Variants in ARB2A observed in about 807,000 individuals in gnomAD.
The protein encoded by ARB2A is ARB2 cotranscriptional regulator A, also known as cotranscriptional regulator ARB2A.
chr5:93,963,411 T>C, the ARB2A span, among the ~76,000 whole-genome samples: 1 of 151,966 alleles, frequency 6.6e-6, no homozygotes, highest in Admixed American at 6.6e-5. Flanking sequence ...CCAGTGTCCA[T>C]CACCTAAAAA....
chr5:93,652,746 T>A, the ARB2A span, among the ~76,000 whole-genome samples: 6 of 152,346 alleles, frequency 3.9e-5, no homozygotes, highest in African/African-American at 1.2e-4. Flanking sequence ...ATGTACACTA[T>A]GACACACAGA....
At chr5:94,065,825 GCAGAATATTAACAAAGAAACAGA>G in the ARB2A span, among the ~76,000 whole-genome samples, 1 of 152,090 alleles carries the variant, frequency 6.6e-6, no homozygotes, top group African/African-American at 2.4e-5. Flanking sequence ...GATCATCTAG[GCAGAATATTAACAAAGAAACAGA>G]TTTAAACTAC....
the ARB2A span, among the ~76,000 whole-genome samples, chr5:93,661,355 A>G: frequency 6.6e-6 from 1 of 152,172 alleles, no homozygotes; most frequent in South Asian, 2.1e-4. Context: ...AAGGTAGATT[A>G]TATATGAGAA....
the ARB2A span, among the ~76,000 whole-genome samples, chr5:93,810,247 T>C: frequency 2.0e-5 from 3 of 151,360 alleles, no homozygotes; most frequent in African/African-American, 4.9e-5. Context: ...CATGGGTAAA[T>C]TGACTGGTTC....
chr5:93,982,114 T>C, the ARB2A span, among the ~76,000 whole-genome samples: 1 of 152,032 alleles, frequency 6.6e-6, no homozygotes, highest in Admixed American at 6.6e-5. Context: ...AAAAAAGTAA[T>C]CTTCCCTTCA....
the ARB2A span, among the ~76,000 whole-genome samples, chr5:94,053,980 G>A: frequency 2.6e-5 from 4 of 152,168 alleles, no homozygotes; most frequent in African/African-American, 9.6e-5. Flanking sequence ...TGTTGCCCAG[G>A]CTGGTCTCAA....
the ARB2A span, among the ~76,000 whole-genome samples, chr5:93,942,107 T>C: frequency 6.6e-6 from 1 of 152,146 alleles, no homozygotes; most frequent in East Asian, 1.9e-4. Context: ...CAGAAGGTAA[T>C]GATATATCTG....
chr5:94,050,637 T>C, the ARB2A span: 1 of 884,126 alleles, frequency 1.1e-6, no homozygotes, highest in South Asian at 2.0e-5. Context: ...TCACATTTTG[T>C]AGAAAGAGTG....
chr5:94,099,538 C>T, the ARB2A span, among the ~76,000 whole-genome samples: 2 of 146,082 alleles, frequency 1.4e-5, no homozygotes, highest in Non-Finnish European at 3.0e-5. Context: ...GCAGGAGAAT[C>T]GCATGAACCC....
chr5:93,944,506 C>T, the ARB2A span, among the ~76,000 whole-genome samples: 1,368 of 151,816 alleles, frequency 9.0e-3, 13 homozygotes, highest in Non-Finnish European at 0.014. Flanking sequence ...ATCACTTGAG[C>T]CCAGGAGGTC....
the ARB2A span, among the ~76,000 whole-genome samples, chr5:93,810,510 C>T: frequency 6.6e-6 from 1 of 152,018 alleles, no homozygotes; most frequent in Non-Finnish European, 1.5e-5. Context: ...TCAAGCAATC[C>T]TCCCACCTCA....
the ARB2A span, among the ~76,000 whole-genome samples, chr5:93,637,881 C>T: frequency 6.6e-6 from 1 of 152,126 alleles, no homozygotes; most frequent in Non-Finnish European, 1.5e-5. Flanking sequence ...TTTATTTCGA[C>T]CTTTGGACTG....
chr5:94,089,266 T>C, the ARB2A span, among the ~76,000 whole-genome samples: 1 of 152,188 alleles, frequency 6.6e-6, no homozygotes, highest in Non-Finnish European at 1.5e-5. Flanking sequence ...CAAGTGTCCT[T>C]TATTGGTACA....
At chr5:93,796,828 C>A in the ARB2A span, among the ~76,000 whole-genome samples, 5 of 152,106 alleles carry the variant, frequency 3.3e-5, no homozygotes, top group African/African-American at 9.7e-5. Flanking sequence ...TAATGAAAGT[C>A]TGCAGAAATA....
At chr5:93,720,809 T>C in the ARB2A span, among the ~76,000 whole-genome samples, 1 of 152,230 alleles carries the variant, frequency 6.6e-6, no homozygotes, top group African/African-American at 2.4e-5. Context: ...GCATTTATGA[T>C]GAGCAATCTG....
At chr5:94,103,797 A>C in the ARB2A span, among the ~76,000 whole-genome samples, 12 of 11,090 alleles carry the variant, frequency 1.1e-3, no homozygotes, top group Non-Finnish European at 1.7e-3. Context: ...AACAGATTCA[A>C]AAAAAAAAAA....
the ARB2A span, among the ~76,000 whole-genome samples, chr5:93,717,748 T>C: frequency 6.6e-6 from 1 of 152,068 alleles, no homozygotes; most frequent in African/African-American, 2.4e-5. Flanking sequence ...ATTTCACTCG[T>C]AGATTAAGGC....
At chr5:93,848,874 A>C in the ARB2A span, among the ~76,000 whole-genome samples, 2 of 152,204 alleles carry the variant, frequency 1.3e-5, no homozygotes, top group African/African-American at 4.8e-5. Flanking sequence ...TTAACAAAGT[A>C]CAAAAGAAGT....
At chr5:93,809,728 A>AT in the ARB2A span, among the ~76,000 whole-genome samples, 1 of 152,164 alleles carries the variant, frequency 6.6e-6, no homozygotes, top group African/African-American at 2.4e-5. Flanking sequence ...AGGGACTCAA[A>AT]TGTTTCCCTT....
Sources: allele counts gnomAD v4.1 joint callset (sites outside exome capture counted in the v4.1 genomes callset), GRCh38; gene constraint gnomAD v4.1.1; transcripts MANE v1.5; gene names NCBI Gene and HGNC (gene_info 2026-07-23, HGNC 2026-07-21).